CAMTA1: variants seen among roughly 807,000 people sequenced by gnomAD.
The protein encoded by CAMTA1 is calmodulin-binding transcription activator 1.
A neutral mutation model predicts 170.9 loss-of-function variants in CAMTA1; 27 were observed. The ratio of observed to expected loss-of-function variants is 0.16; its 90% CI spans 0.12 to 0.22. The LOEUF (loss-of-function observed/expected upper bound fraction) is 0.22. Among genes scored for constraint, CAMTA1 ranks in the 10% least tolerant of loss-of-function variants. CAMTA1 has a pLI of 1.00. For synonymous variants in CAMTA1, 833 were observed against 891.5 expected (o/e 0.93, Z 1.17); for missense variants, 1,619 against 2,217.2 (o/e 0.73, Z 5.42).
At chr1:7,199,208 A>G (rs897838131) in intron 4 of CAMTA1, among the ~76,000 whole-genome samples, 2 of 152,108 alleles carry the variant, frequency 1.3e-5, no homozygotes, top group Non-Finnish European at 2.9e-5. Flanking sequence ...CTCGGATTGG[A>G]GCCCGCCCCC....
At position 7,664,970 on chromosome 1, in the gene CAMTA1, A is replaced by T; in HGVS notation, c.2423A>T (p.Asp808Val). 1 of 1,611,990 alleles carries T rather than the reference A, an allele frequency of 6.2e-7. No individual in the cohort carries two copies. Among genetic ancestry groups the T allele is most frequent in the Non-Finnish European group, 8.5e-7 (1 of 1,179,452 alleles). ...AGCACGGCGCTCTCACAGTCAGAGG[A>T]CGGGGCGCGGGCCCCCTTCACCCAG... ...GDSTALSQSE[D>V]GARAPFTQAE... Residue 808 changes from aspartate to valine, a missense_variant, in exon 9 of 23, where the codon GAC becomes GTC. Asp to Val is a radical substitution (Grantham distance 152, BLOSUM62 -3). Around this residue, in one of 8 missense-constraint regions of CAMTA1, gnomAD observed 731 missense variants for 907.6 expected, o/e 0.81. Coordinates refer to ENST00000303635, the MANE Select transcript of CAMTA1 (RefSeq NM_015215.4).
rs58819172 is a variant in CAMTA1 at position 7,534,118 on chromosome 1, G to A, written c.510+66217G>A. ...GGCCCCTCCCATCACCGGTCACCCCGCCCGCCAGGCCCCTGGCAGCCTCAT... is the reference window on the plus strand; with the variant it reads ...GGCCCCTCCCATCACCGGTCACCCCACCCGCCAGGCCCCTGGCAGCCTCAT... On this transcript the variant is annotated intron_variant, in intron 6 of 22. Coordinates refer to ENST00000303635, the MANE Select transcript of CAMTA1 (RefSeq NM_015215.4). This position sits in a 1 kb window ranked among gnomAD's most constrained non-coding sequence, Gnocchi z 5.6. Among the ~76,000 whole-genome samples, 130 of 152,184 alleles carry A rather than the reference G, an allele frequency of 8.5e-4. No homozygotes were observed. Among genetic ancestry groups the A allele is most frequent in the African/African-American group, 3.0e-3 (125 of 41,520 alleles).
At chr1:7,671,685 A>ATT (rs2096061754) in intron 10 of CAMTA1, among the ~76,000 whole-genome samples, 1 of 152,170 alleles carries the variant, frequency 6.6e-6, no homozygotes, top group Non-Finnish European at 1.5e-5. Context: ...TTTGCTTCCA[A>ATT]TTTCAGGGGC....
Position 7,650,783 on chromosome 1 carries a change from T to C in CAMTA1, c.664+10230T>C, listed in dbSNP as rs1055561430. Among the ~76,000 whole-genome samples the C allele has an allele frequency of 2.6e-5, 4 of 152,184 alleles. 1 individual carries two copies. Among genetic ancestry groups the C allele is most frequent in the Admixed American group, 2.6e-4 (4 of 15,278 alleles). Reference sequence around the variant, plus strand: ...GGCGAATGAGAGTTGAGTGGTGAGATCGGGAAATTGAATAGTATGTGGGTG... The same window carrying C: ...GGCGAATGAGAGTTGAGTGGTGAGACCGGGAAATTGAATAGTATGTGGGTG... On this transcript the variant is annotated intron_variant, in intron 7 of 22. Transcript: ENST00000303635.
At chr1:7,617,079 C>T (rs1289972153) in intron 6 of CAMTA1, among the ~76,000 whole-genome samples, 3 of 152,110 alleles carry the variant, frequency 2.0e-5, no homozygotes, top group South Asian at 2.1e-4. Flanking sequence ...GCCCTTCCCG[C>T]GGGGGAAATG....
intron 6 of CAMTA1, among the ~76,000 whole-genome samples, chr1:7,542,879 G>GTGTGTGTT (rs1459264062): frequency 0.22 from 30,502 of 137,758 alleles, 4,219 homozygotes; most frequent in Non-Finnish European, 0.28. Context: ...GTGTGTGTGT[G>GTGTGTGTT]TTTGAGCCGG....
intron 3 of CAMTA1, among the ~76,000 whole-genome samples, chr1:7,013,209 C>CTTTTTTTTTTTTTTTTTT (rs969077771): frequency 7.1e-5 from 6 of 84,194 alleles, no homozygotes; most frequent in African/African-American, 1.6e-4. Flanking sequence ...TGCCCTTCTT[C>CTTTTTTTTTTTTTTTTTT]TTTTTTTTTT....
intron 6 of CAMTA1, among the ~76,000 whole-genome samples, chr1:7,515,221 C>T (rs983371508): frequency 6.6e-6 from 1 of 152,144 alleles, no homozygotes; most frequent in Non-Finnish European, 1.5e-5. Context: ...TGGGATCATC[C>T]CAGGTGTCCC....
intron 4 of CAMTA1, among the ~76,000 whole-genome samples, chr1:7,127,277 C>T (rs1453037017): frequency 1.2e-4 from 15 of 126,946 alleles, no homozygotes; most frequent in East Asian, 2.3e-4. Flanking sequence ...TTTTGCTAGC[C>T]GGAAGCCGTT....
At chr1:7,683,679 C>T (rs1346030936) in intron 11 of CAMTA1, among the ~76,000 whole-genome samples, 2 of 152,222 alleles carry the variant, frequency 1.3e-5, no homozygotes, top group East Asian at 1.9e-4. Flanking sequence ...GTCTTGCACT[C>T]GGGACCTGAG....
At chr1:7,694,911 T>C (rs2096358679) in intron 11 of CAMTA1, 1 of 152,216 alleles carries the variant, frequency 6.6e-6, no homozygotes, top group African/African-American at 2.4e-5. Context: ...AGAGCATTCC[T>C]GCTCAATAAT....
chr1:6,858,719 C>CA (rs1199601281), intron 3 of CAMTA1, among the ~76,000 whole-genome samples: 1 of 152,134 alleles, frequency 6.6e-6, no homozygotes, highest in African/African-American at 2.4e-5. Context: ...CTAATTTATG[C>CA]ATGCGTGAAG....
At chr1:7,419,036 T>C (rs970238593) in intron 5 of CAMTA1, among the ~76,000 whole-genome samples, 1 of 152,260 alleles carries the variant, frequency 6.6e-6, no homozygotes, top group African/African-American at 2.4e-5. Flanking sequence ...CTGCGGCCTC[T>C]GTATTCCTAA....
intron 6 of CAMTA1, among the ~76,000 whole-genome samples, chr1:7,584,045 A>T (rs903988126): frequency 6.6e-6 from 1 of 152,178 alleles, no homozygotes; most frequent in Non-Finnish European, 1.5e-5. Flanking sequence ...GGACATTCTG[A>T]TAAACCCTTA....
intron 4 of CAMTA1, among the ~76,000 whole-genome samples, chr1:7,243,128 T>C (rs983785114): frequency 3.9e-5 from 6 of 152,250 alleles, no homozygotes; most frequent in Admixed American, 2.6e-4. Context: ...TTCCATACTT[T>C]TTAAGATATA....
intron 3 of CAMTA1, among the ~76,000 whole-genome samples, chr1:6,896,058 A>G (rs1160336193): frequency 1.3e-5 from 2 of 152,170 alleles, no homozygotes; most frequent in African/African-American, 4.8e-5. Context: ...CTAATGCCCA[A>G]GAAGAGCTCC....
intron 4 of CAMTA1, among the ~76,000 whole-genome samples, chr1:7,114,704 A>G (rs74597281): frequency 0.014 from 1,569 of 114,494 alleles, no homozygotes; most frequent in Middle Eastern, 0.048. Context: ...GTGTGAGTCC[A>G]AAAACCTGAG....
Position 7,766,478 on chromosome 1 carries a change from G to C in CAMTA1, c.5009G>C (p.Gly1670Ala). ...LYKRSERIEK[G>A]QGT is the part of the protein sequence containing the mutation. ...TTCCAGAGTGAAAGAATTGAAAAAG[G>C]CCAAGGAACTTGAAGACATACAGCA... The change falls in exon 23 of 23, where the codon GGC becomes GCC. Residue 1670 changes from glycine to alanine, a missense_variant. Transcript: ENST00000303635. 1 of 1,614,080 alleles carries C rather than the reference G, an allele frequency of 6.2e-7. No homozygotes were observed. The highest frequency in any genetic ancestry group is 8.5e-7 in the Non-Finnish European group (1 of 1,179,992).
intron 3 of CAMTA1, among the ~76,000 whole-genome samples, chr1:6,998,646 G>A (rs544720622): frequency 6.6e-6 from 1 of 152,230 alleles, no homozygotes; most frequent in Non-Finnish European, 1.5e-5. Context: ...CTTGCCAAAC[G>A]TAAGAGCCAC....
Sources: allele counts gnomAD v4.1 joint callset (sites outside exome capture counted in the v4.1 genomes callset), GRCh38; gene constraint gnomAD v4.1.1; regional missense constraint gnomAD v4.1.1; non-coding constraint Gnocchi (gnomAD v3.1); transcripts MANE v1.5; gene names NCBI Gene and HGNC (gene_info 2026-07-23, HGNC 2026-07-21).